CDYL: variants seen among roughly 807,000 people sequenced by gnomAD.
CDYL encodes the protein chromodomain Y-like protein.
In CDYL, 8 loss-of-function variants were observed where a neutral mutation model predicts 47.3. The ratio of observed to expected loss-of-function variants is 0.17; its 90% confidence interval spans 0.10 to 0.31. The LOEUF is 0.31. Among genes scored for constraint, CDYL ranks in the 10% least tolerant of loss-of-function variants. The pLI is 1.00. For synonymous variants in CDYL, 266 were observed against 265.0 expected (o/e 1.00, Z -0.04); for missense variants, 471 against 701.4 (o/e 0.67, Z 3.71).
chr6:4,831,161 T>C (rs1760131691), intron 1 of CDYL, among the ~76,000 whole-genome samples: 1 of 152,174 alleles, frequency 6.6e-6, no homozygotes, highest in African/African-American at 2.4e-5. Flanking sequence ...TAGTTCTAGA[T>C]CCCTGAGGAA....
chr6:4,898,829 T>C (rs1342190239), intron 2 of CDYL, among the ~76,000 whole-genome samples: 1 of 152,224 alleles, frequency 6.6e-6, no homozygotes, highest in Non-Finnish European at 1.5e-5. Flanking sequence ...TTAATAAATC[T>C]GCATTATTTT....
At chr6:4,811,012 T>TAATA (rs1581181767) in intron 1 of CDYL, among the ~76,000 whole-genome samples, 2 of 152,340 alleles carry the variant, frequency 1.3e-5, no homozygotes, top group East Asian at 3.9e-4. Flanking sequence ...GAGAAAGAGC[T>TAATA]TGTCAATGCA....
chr6:4,780,812 C>T (rs1758598683), intron 1 of CDYL, among the ~76,000 whole-genome samples: 1 of 152,176 alleles, frequency 6.6e-6, no homozygotes, highest in African/African-American at 2.4e-5. Flanking sequence ...TGAAAGTATT[C>T]TATAAACTGA....
chr6:4,761,328 G>C lies in CDYL; in HGVS notation c.186+26484G>C, dbSNP rs149666206. Among the ~76,000 whole-genome samples the C allele has an allele frequency of 1.9e-3, 282 of 152,188 alleles. 1 individual carries two copies. Among genetic ancestry groups the C allele is most frequent in the African/African-American group, 6.5e-3 (268 of 41,528 alleles). ...AGGGTCAATCACAGAAATATTTTTG[G>C]TGAGAGTGACTTTCCCCATGATTTT... On this transcript the variant is annotated intron_variant, in intron 3 of 8. Transcript: ENST00000328908.
chr6:4,794,848 A>G (rs910521502), intron 1 of CDYL, among the ~76,000 whole-genome samples: 6 of 152,106 alleles, frequency 3.9e-5, no homozygotes, highest in African/African-American at 1.2e-4. Context: ...AAGGCTGTTT[A>G]TGTATATCTG....
At chr6:4,744,767 G>A (rs1029181597) in intron 3 of CDYL, among the ~76,000 whole-genome samples, 1 of 152,114 alleles carries the variant, frequency 6.6e-6, no homozygotes, top group Non-Finnish European at 1.5e-5. Context: ...GCAGAGCCAA[G>A]ACTTGAACTC....
chr6:4,843,776 G>A (rs1018234295), intron 1 of CDYL, among the ~76,000 whole-genome samples: 1 of 151,776 alleles, frequency 6.6e-6, no homozygotes, highest in Non-Finnish European at 1.5e-5. Context: ...CCATTCTCTG[G>A]TGCCTCCTTG....
chr6:4,917,524 G>C (rs1757591706), intron 2 of CDYL, among the ~76,000 whole-genome samples: 1 of 152,188 alleles, frequency 6.6e-6, no homozygotes, highest in South Asian at 2.1e-4. Context: ...TATGATAGCA[G>C]TTGAGACACA....
chr6:4,954,111 C>T lies in CDYL; in HGVS notation c.*55C>T, dbSNP rs1181654480. 1.7e-5 allele frequency: 27 copies of T among 1,551,500 alleles called. No individual in the cohort carries two copies. Among genetic ancestry groups the T allele is most frequent in the East Asian group, 6.9e-5 (3 of 43,752 alleles). ...ATCGGGCTGAGCAGGAGAACATCAC[C>T]GGCTCCAGTTCCCCTGATCCATTCT... On this transcript the variant is annotated 3_prime_UTR_variant, in exon 7 of 7. Transcript: ENST00000397588.
intron 2 of CDYL, among the ~76,000 whole-genome samples, chr6:4,906,902 G>A (rs1417032469): frequency 6.6e-6 from 1 of 152,170 alleles, no homozygotes. Flanking sequence ...TAAACTAAAT[G>A]TATTGTGTTC....
At chr6:4,736,590 G>C (rs1444172285) in intron 3 of CDYL, among the ~76,000 whole-genome samples, 2 of 152,068 alleles carry the variant, frequency 1.3e-5, no homozygotes, top group Admixed American at 1.3e-4. Flanking sequence ...GTGGCCTCTT[G>C]GTGAGGTTTG....
At chr6:4,877,590 AT>A (rs1761654831) in intron 1 of CDYL, among the ~76,000 whole-genome samples, 1 of 152,166 alleles carries the variant, frequency 6.6e-6, no homozygotes, top group African/African-American at 2.4e-5. Flanking sequence ...GACCAAATAG[AT>A]TTCTTGGGGA....
intron 1 of CDYL, among the ~76,000 whole-genome samples, chr6:4,828,197 C>CTAT (rs1760031969): frequency 6.9e-6 from 1 of 145,610 alleles, no homozygotes; most frequent in African/African-American, 2.5e-5. Context: ...CCCTCAGTTT[C>CTAT]AACGTTAGTT....
intron 1 of CDYL, among the ~76,000 whole-genome samples, chr6:4,800,256 A>G (rs181933266): frequency 1.3e-5 from 2 of 152,292 alleles, no homozygotes; most frequent in Admixed American, 1.3e-4. Flanking sequence ...TGTGTTAACC[A>G]AAATTTCTTA....
chr6:4,722,340 C>T lies in CDYL; in HGVS notation c.103+6459C>T, dbSNP rs952170478. 9.2e-5 allele frequency among the ~76,000 whole-genome samples: 14 copies of T among 151,916 alleles called. 1 individual carries two copies. The highest frequency in any genetic ancestry group is 3.4e-4 in the African/African-American group (14 of 41,326). On this transcript the variant is annotated intron_variant, in intron 2 of 8. Coordinates refer to the CDYL transcript ENST00000328908. Reference sequence around the variant, plus strand: ...TTGGGAGGCCAAGGTGGGAGGATGGCTTAAGGTAAAGAGTTCGAGACCAGC... The same window carrying T: ...TTGGGAGGCCAAGGTGGGAGGATGGTTTAAGGTAAAGAGTTCGAGACCAGC...
intron 2 of CDYL, among the ~76,000 whole-genome samples, chr6:4,926,844 T>C (rs971150818): frequency 1.3e-5 from 2 of 152,168 alleles, no homozygotes; most frequent in Admixed American, 6.5e-5. Context: ...TGTATGATTT[T>C]GGGGATGGGC....
chr6:4,731,107 G>A (rs1274333530), intron 2 of CDYL, among the ~76,000 whole-genome samples: 3 of 152,148 alleles, frequency 2.0e-5, no homozygotes, highest in South Asian at 2.1e-4. Flanking sequence ...TGACTAGTGC[G>A]AATACTCCAT....
At chr6:4,878,363 G>A (rs1370156370) in intron 1 of CDYL, among the ~76,000 whole-genome samples, 3 of 151,468 alleles carry the variant, frequency 2.0e-5, no homozygotes, top group Admixed American at 6.6e-5. Flanking sequence ...GGGGTTTGAT[G>A]TGTGTGTGTG....
At chr6:4,719,479 C>T (rs1757330701) in intron 2 of CDYL, among the ~76,000 whole-genome samples, 1 of 152,198 alleles carries the variant, frequency 6.6e-6, no homozygotes, top group Non-Finnish European at 1.5e-5. Context: ...CTACACCTAT[C>T]TTGACCCCCA....
Sources: gnomAD v4.1 joint callset for allele counts (sites outside exome capture counted in the v4.1 genomes callset) on GRCh38, gnomAD v4.1.1 for gene constraint, MANE v1.5 for transcripts, NCBI Gene and HGNC (gene_info 2026-07-23, HGNC 2026-07-21) for gene names.